The following TRIM14 variants were observed in gnomAD, a reference collection of about 807,000 sequenced individuals.
The protein encoded by TRIM14 is tripartite motif-containing protein 14.
A neutral mutation model predicts 44.5 loss-of-function variants in TRIM14; 28 were observed. The ratio of observed to expected loss-of-function variants is 0.63; its 90% CI spans 0.47 to 0.86. The LOEUF (loss-of-function observed/expected upper bound fraction) is 0.86, where lower values mean the gene tolerates loss of function less well. TRIM14 is among the 40% of genes least tolerant of loss of function. The pLI is 0.00. For missense variants in TRIM14, 607 were observed against 611.1 expected (o/e 0.99, Z 0.07); for synonymous variants, 299 against 269.2 (o/e 1.11, Z -1.08).
At chr9:98,057,922 G>GTTTTTTTTTTTTTTT in the TRIM14 span, among the ~76,000 whole-genome samples, 8 of 78,086 alleles carry the variant, frequency 1.0e-4, no homozygotes, top group South Asian at 5.4e-4. Flanking sequence ...TTTTTTCCTG[G>GTTTTTTTTTTTTTTT]TTTTTTTTTT....
At chr9:98,088,041 C>T in intron 5 of TRIM14, 36 bp from the exon 6 acceptor site, 2 of 1,428,448 alleles carry the variant, frequency 1.4e-6, no homozygotes, top group South Asian at 1.5e-5. Context: ...ACCTGGTGGG[C>T]GGGGCCAGCG....
chr9:98,056,961 AC>A, the TRIM14 span: 6 of 1,557,388 alleles, frequency 3.9e-6, no homozygotes, highest in Non-Finnish European at 5.2e-6. Flanking sequence ...AGCTCCCGGG[AC>A]CCGGGATTCG....
the TRIM14 span, among the ~76,000 whole-genome samples, chr9:98,056,409 TC>T: frequency 5.4e-5 from 8 of 148,352 alleles, no homozygotes; most frequent in Non-Finnish European, 8.8e-5. Flanking sequence ...GGGCGCGCTC[TC>T]CCCATGCTCC....
chr9:98,108,536 T>A (rs1310932190), intron 2 of TRIM14, among the ~76,000 whole-genome samples: 2 of 152,142 alleles, frequency 1.3e-5, no homozygotes, highest in Non-Finnish European at 2.9e-5. Context: ...TCAAACCATA[T>A]CTGCTCAGGC....
chr9:98,068,978 T>C (rs1829232532), downstream of TRIM14, among the ~76,000 whole-genome samples: 1 of 152,198 alleles, frequency 6.6e-6, no homozygotes, highest in Admixed American at 6.5e-5. Flanking sequence ...AACAGCTTTA[T>C]TGGGACATAA....
intron 2 of TRIM14, among the ~76,000 whole-genome samples, chr9:98,106,038 C>T (rs1416737336): frequency 6.6e-6 from 1 of 152,202 alleles, no homozygotes; most frequent in Non-Finnish European, 1.5e-5. Context: ...GAGTCTGGAG[C>T]TACTGAAACT....
intron 1 of TRIM14, among the ~76,000 whole-genome samples, chr9:98,117,644 T>G (rs538693530): frequency 3.9e-5 from 6 of 152,328 alleles, no homozygotes; most frequent in East Asian, 3.9e-4. Flanking sequence ...AGGAACTGCT[T>G]CTTCTTTTTT....
At chr9:98,065,800 C>T (rs7846772), downstream of TRIM14, among the ~76,000 whole-genome samples, 1 of 151,782 alleles carries the variant, frequency 6.6e-6, no homozygotes, top group Non-Finnish European at 1.5e-5. Context: ...GTGCTATTCT[C>T]ATGATAGTGA....
chr9:98,073,426 A>G (rs1186593648), intron 6 of TRIM14, among the ~76,000 whole-genome samples: 1 of 151,654 alleles, frequency 6.6e-6, no homozygotes, highest in African/African-American at 2.4e-5. Context: ...CTGGGATTAC[A>G]GACACACACC....
At chr9:98,065,308 CTTTTTT>C (rs758040892), downstream of TRIM14, among the ~76,000 whole-genome samples, 12 of 92,754 alleles carry the variant, frequency 1.3e-4, no homozygotes, top group African/African-American at 5.4e-4. Flanking sequence ...ACTCCTGGTG[CTTTTTT>C]TTTTTTTTTT....
At chr9:98,042,276 G>A in the TRIM14 span, among the ~76,000 whole-genome samples, 3 of 142,690 alleles carry the variant, frequency 2.1e-5, no homozygotes, top group Non-Finnish European at 3.0e-5. Flanking sequence ...CCAGGCGAAC[G>A]TGCCAGACTC....
Position 98,113,078 on chromosome 9 carries a change from A to C in TRIM14, c.208-3094T>G, listed in dbSNP as rs1253868070. 2.8e-5 allele frequency among the ~76,000 whole-genome samples: 4 copies of C among 143,698 alleles called. No individual in the cohort carries two copies. In the East Asian group the frequency reaches 8.1e-4, roughly 29 times the overall value. 94.3% of individuals were successfully genotyped at this position (143,698 alleles called of 152,430 possible). On this transcript the variant is annotated intron_variant, in intron 1 of 5. Transcript: ENST00000341469. ...GCAGTGAGGCAGTTCATGCCACTGC[A>C]CTCCAGCCTGGGCAACAAGAGCGAA...
chr9:98,074,821 T>C (rs1829510067), intron 6 of TRIM14: 1 of 152,180 alleles, frequency 6.6e-6, no homozygotes, highest in East Asian at 1.9e-4. Flanking sequence ...ATGAACATTA[T>C]ACAAAAGAAA....
chr9:98,043,695 C>G, the TRIM14 span, among the ~76,000 whole-genome samples: 1 of 151,334 alleles, frequency 6.6e-6, no homozygotes, highest in Non-Finnish European at 1.5e-5. Flanking sequence ...AGAACTCTAG[C>G]CATGAGATAA....
chr9:98,097,550 T>C (rs1229140275), intron 3 of TRIM14, among the ~76,000 whole-genome samples: 1 of 152,218 alleles, frequency 6.6e-6, no homozygotes, highest in African/African-American at 2.4e-5. Context: ...TTGGACATAA[T>C]TTTGCTAGCT....
chr9:98,088,956 G>T (rs1282092184), intron 5 of TRIM14, among the ~76,000 whole-genome samples: 1 of 151,832 alleles, frequency 6.6e-6, no homozygotes, highest in Non-Finnish European at 1.5e-5. Flanking sequence ...TGGATCACAG[G>T]GTATGTGGAT....
Position 98,087,713 on chromosome 9 carries a change from CCAGGA to C in TRIM14, c.1081_1085del (p.Ser361ValfsTer8), listed in dbSNP as rs984229226. ...ACTCAAGGTCGTAGCGCTTGAGGCA[CCAGGA>C]CTGGCGGTTGCAGCCCAGGCGGGCG... On this transcript the variant is annotated frameshift_variant, in exon 6 of 6. Coordinates refer to ENST00000341469, the MANE Select transcript of TRIM14 (RefSeq NM_014788.4). LOFTEE classifies it high-confidence loss of function. 1.3e-6 allele frequency: 2 copies of C among 1,596,542 alleles called. No individual in the cohort carries two copies. The highest frequency in any genetic ancestry group is 1.7e-6 in the Non-Finnish European group (2 of 1,177,650).
At chr9:98,077,884 A>T (rs1200364350) in intron 6 of TRIM14, among the ~76,000 whole-genome samples, 1 of 152,344 alleles carries the variant, frequency 6.6e-6, no homozygotes, top group East Asian at 1.9e-4. Context: ...CTGTACTGCC[A>T]TGGTATACAA....
intron 5 of TRIM14, among the ~76,000 whole-genome samples, chr9:98,091,676 A>C (rs550507877): frequency 6.6e-6 from 1 of 152,328 alleles, no homozygotes; most frequent in South Asian, 2.1e-4. Flanking sequence ...TTATTCACAG[A>C]AGAGGGATTA....
Sources: allele counts gnomAD v4.1 joint callset (sites outside exome capture counted in the v4.1 genomes callset), GRCh38; gene constraint gnomAD v4.1.1; transcripts MANE v1.5; gene names NCBI Gene and HGNC (gene_info 2026-07-23, HGNC 2026-07-21).